GRIK2: variants seen among roughly 807,000 people sequenced by gnomAD.
GRIK2 encodes glutamate receptor ionotropic, kainate 2.
In GRIK2, 32 loss-of-function variants were observed where a neutral mutation model predicts 100.3. That is an observed-to-expected ratio of 0.32 (90% CI 0.24 to 0.43). GRIK2 has a LOEUF of 0.43. Ranked by LOEUF, GRIK2 falls within the 20% of genes least tolerant of loss-of-function variation. The probability of loss-of-function intolerance (pLI) is 1.00; values close to 1 mark genes in which losing one functional copy is unlikely to be tolerated. For missense variants in GRIK2, 843 were observed against 1,114.9 expected, an observed-to-expected ratio of 0.76 and a Z score of 3.47; for synonymous variants, 417 against 389.4, an observed-to-expected ratio of 1.07 and a Z score of -0.83.
chr6:101,674,219 C>T (rs1770656246), intron 4 of GRIK2, among the ~76,000 whole-genome samples: 1 of 152,100 alleles, frequency 6.6e-6, no homozygotes, highest in South Asian at 2.1e-4. Flanking sequence ...GGAAATTGGC[C>T]TCATTCTTTT....
intron 9 of GRIK2, among the ~76,000 whole-genome samples, chr6:101,811,639 C>A (rs114306028): frequency 0.026 from 3,899 of 151,804 alleles, 177 homozygotes; most frequent in African/African-American, 0.089. Flanking sequence ...CCATAAATTT[C>A]ATAGAAAATA....
intron 12 of GRIK2, among the ~76,000 whole-genome samples, chr6:101,920,024 G>A (rs1789385648): frequency 6.6e-6 from 1 of 151,854 alleles, no homozygotes; most frequent in Non-Finnish European, 1.5e-5. Flanking sequence ...AAAATTTGAG[G>A]AGATGCAAAG....
chr6:101,898,023 C>T (rs768592337), intron 12 of GRIK2, among the ~76,000 whole-genome samples: 7 of 151,622 alleles, frequency 4.6e-5, no homozygotes, highest in Non-Finnish European at 8.9e-5. Flanking sequence ...AAAACTAATA[C>T]GTATTGCATG....
At chr6:101,853,116 A>G (rs1285454091) in intron 10 of GRIK2, among the ~76,000 whole-genome samples, 2 of 152,194 alleles carry the variant, frequency 1.3e-5, no homozygotes, top group African/African-American at 2.4e-5. Flanking sequence ...GTTTTCTCCC[A>G]GACGATATTA....
chr6:102,019,787 T>C lies in GRIK2; in HGVS notation c.2086-15554T>C, dbSNP rs146118543. Among the ~76,000 whole-genome samples, 256 of 152,122 alleles carry C rather than the reference T, an allele frequency of 1.7e-3. 1 individual carries two copies. Among genetic ancestry groups the C allele is most frequent in the African/African-American group, 5.9e-3 (247 of 41,554 alleles). ...CTTGACATATCTACTCTTAATCTTT[T>C]AAAATCATCTTTATATATCCCTTTT... is the stretch of plus-strand genomic sequence containing the variant. On this transcript the variant is annotated intron_variant, in intron 14 of 16. Transcript: ENST00000369134.
At chr6:101,636,257 A>G (rs987603925) in intron 4 of GRIK2, among the ~76,000 whole-genome samples, 1 of 152,170 alleles carries the variant, frequency 6.6e-6, no homozygotes, top group African/African-American at 2.4e-5. Flanking sequence ...AAGAACAGAA[A>G]ACCAAACACC....
chr6:102,068,369 T>A lies in GRIK2; in HGVS notation c.2585T>A (p.Val862Glu). The change falls in exon 17 of 17, where the codon GTA (valine) becomes GAA (glutamate). Residue 862 changes from valine (V) to glutamate (E), a missense_variant. Val to Glu is a moderately radical substitution (Grantham distance 121). Transcript: ENST00000369134. ...LEKRSFCSAMVEELRMSLKCQ... is the reference protein window; with the variant it reads ...LEKRSFCSAMEEELRMSLKCQ... ...TAGAGGTCCTTCTGTAGTGCCATGG[T>A]AGAAGAATTGAGGATGTCCCTGAAG... 6.2e-7 allele frequency: 1 copy of A among 1,611,292 alleles called. No homozygotes were observed. Among genetic ancestry groups the A allele is most frequent in the Non-Finnish European group, 8.5e-7 (1 of 1,178,004 alleles).
At chr6:101,646,837 A>G (rs568500712) in intron 4 of GRIK2, among the ~76,000 whole-genome samples, 3 of 151,928 alleles carry the variant, frequency 2.0e-5, no homozygotes, top group South Asian at 4.1e-4. Flanking sequence ...AAGGAGAGGA[A>G]AGGAGAGATG....
intron 10 of GRIK2, among the ~76,000 whole-genome samples, chr6:101,830,632 A>G (rs1782616377): frequency 6.6e-6 from 1 of 152,002 alleles, no homozygotes; most frequent in Non-Finnish European, 1.5e-5. Context: ...ACTAATCATC[A>G]GAGAAATGCA....
At chr6:102,021,168 T>TAAAGATAA (rs1424075958) in intron 14 of GRIK2, among the ~76,000 whole-genome samples, 1 of 151,686 alleles carries the variant, frequency 6.6e-6, no homozygotes, top group Admixed American at 6.6e-5. Flanking sequence ...TAAAGACAAA[T>TAAAGATAA]AGTTAAAGTA....
At chr6:101,946,433 A>C (rs1470868813) in intron 14 of GRIK2, among the ~76,000 whole-genome samples, 2 of 152,102 alleles carry the variant, frequency 1.3e-5, no homozygotes, top group Admixed American at 1.3e-4. Flanking sequence ...CAGGAGGCTG[A>C]GGTGGGAGGA....
At chr6:101,924,077 C>T (rs1582545667) in intron 12 of GRIK2, among the ~76,000 whole-genome samples, 1 of 152,074 alleles carries the variant, frequency 6.6e-6, no homozygotes, top group East Asian at 1.9e-4. Context: ...AGATTTTACA[C>T]ATAAATATGT....
intron 14 of GRIK2, among the ~76,000 whole-genome samples, chr6:101,946,080 AATATAAC>A (rs1377174307): frequency 6.6e-6 from 1 of 152,028 alleles, no homozygotes; most frequent in Non-Finnish European, 1.5e-5. Flanking sequence ...ATTGTTACAA[AATATAAC>A]ATATACACAG....
intron 14 of GRIK2, among the ~76,000 whole-genome samples, chr6:101,946,750 G>C (rs1791304036): frequency 6.6e-6 from 1 of 152,028 alleles, no homozygotes; most frequent in Non-Finnish European, 1.5e-5. Flanking sequence ...AGGACTGGAG[G>C]GTGTTTAAAA....
At chr6:102,062,287 C>T (rs190095649) in intron 16 of GRIK2, among the ~76,000 whole-genome samples, 2 of 150,442 alleles carry the variant, frequency 1.3e-5, no homozygotes, top group Admixed American at 1.3e-4. Context: ...TTTTTTCTGT[C>T]TGCTGTATAA....
Position 101,477,058 on chromosome 6 carries a change from A to G in GRIK2, c.115+77666A>G, listed in dbSNP as rs1287651861. ...TTTTAAACTCTCTATCGCCTAAAGT[A>G]CCCTAAGATTCTACCTAGTTTATGT... is the stretch of plus-strand genomic sequence containing the variant. On this transcript the variant is annotated intron_variant, in intron 2 of 16. Coordinates refer to ENST00000369134, the MANE Select transcript of GRIK2 (RefSeq NM_021956.5). 2.0e-5 allele frequency among the ~76,000 whole-genome samples: 3 copies of G among 152,286 alleles called. No individual in the cohort carries two copies. The South Asian group carries it at 6.2e-4, about 32-fold the overall frequency.
intron 13 of GRIK2, 81 bp downstream of exon 13, chr6:101,924,800 C>T (rs751038289): frequency 8.2e-6 from 7 of 851,296 alleles, no homozygotes; most frequent in African/African-American, 1.7e-5. Flanking sequence ...TGGCACAAGT[C>T]GCTTGCATGG....
intron 16 of GRIK2, among the ~76,000 whole-genome samples, chr6:102,063,758 T>TAAA (rs34730340): frequency 0.4 from 57,255 of 144,236 alleles, 11,548 homozygotes; most frequent in Non-Finnish European, 0.47. Context: ...TAGAGCTCTT[T>TAAA]AAAAAAAAAA....
intron 2 of GRIK2, among the ~76,000 whole-genome samples, chr6:101,558,382 T>C (rs527353912): frequency 6.6e-6 from 1 of 152,246 alleles, no homozygotes; most frequent in Admixed American, 6.5e-5. Context: ...AACACAACTG[T>C]GTGACAAGTA....
Sources: allele counts gnomAD v4.1 joint callset (sites outside exome capture counted in the v4.1 genomes callset), GRCh38; gene constraint gnomAD v4.1.1; transcripts MANE v1.5; gene names NCBI Gene and HGNC (gene_info 2026-07-23, HGNC 2026-07-21).